Variants in CYP2B6 observed in about 807,000 individuals in gnomAD.
The protein encoded by CYP2B6 is cytochrome P450 family 2 subfamily B member 6, also known as cytochrome P450 2B6.
Under a neutral mutation model 43.4 loss-of-function variants are expected in CYP2B6, and 35 were observed. The observed-to-expected ratio is 0.81, with a 90% CI of 0.62 to 1.07. CYP2B6 has a LOEUF of 1.07. Among genes scored for constraint, CYP2B6 ranks in the 50% least tolerant of loss-of-function variants. CYP2B6 has a pLI of 0.00. For synonymous variants in CYP2B6, 239 were observed against 239.2 expected, an observed-to-expected ratio of 1.00 and a Z score of 0.01; for missense variants, 624 against 632.8, an observed-to-expected ratio of 0.99 and a Z score of 0.15.
chr19:40,991,579 G>A, intron 1 of CYP2B6, 103 bp downstream of exon 1: 1 of 1,286,668 alleles, frequency 7.8e-7, no homozygotes, highest in Non-Finnish European at 1.1e-6. Context: ...AGTCAGGGGT[G>A]GCACGGGCAT....
intron 3 of CYP2B6, among the ~76,000 whole-genome samples, chr19:41,006,293 G>C (rs1969183551): frequency 6.6e-6 from 1 of 150,664 alleles, no homozygotes; most frequent in Non-Finnish European, 1.5e-5. Flanking sequence ...TTTCAACTGG[G>C]ACTACAGGCA....
Position 41,016,815 on chromosome 19 carries a change from C to T in CYP2B6, c.1464C>T (p.Phe488=). ...TACCCCCAACATACCAGATCCGCTT[C>T]CTGCCCCGCTGAAGGGGCTGAGGGA... ...GKIPPTYQIR[F]LPR The change falls in exon 9 of 9, where the codon TTC becomes TTT. Residue 488 remains phenylalanine (F), a synonymous_variant. Transcript: ENST00000324071. 6.2e-7 allele frequency: 1 copy of T among 1,613,934 alleles called. No individual in the cohort carries two copies. Among genetic ancestry groups the T allele is most frequent in the Non-Finnish European group, 8.5e-7 (1 of 1,179,886 alleles).
intron 3 of CYP2B6, 72 bp from the exon 4 acceptor site, chr19:41,006,833 A>G: frequency 7.1e-7 from 1 of 1,409,604 alleles, no homozygotes; most frequent in Non-Finnish European, 9.9e-7. Flanking sequence ...AGACAATCAC[A>G]CAGAGATAGG....
intron 8 of CYP2B6, among the ~76,000 whole-genome samples, chr19:41,015,718 A>C (rs927491313): frequency 6.6e-6 from 1 of 152,084 alleles, no homozygotes; most frequent in Non-Finnish European, 1.5e-5. Flanking sequence ...GAGCTCTTGA[A>C]GCCTGTGGAT....
intron 1 of CYP2B6, among the ~76,000 whole-genome samples, chr19:40,994,863 A>G (rs1301513651): frequency 2.0e-5 from 3 of 152,120 alleles, no homozygotes; most frequent in Non-Finnish European, 4.4e-5. Context: ...ATTTCCAGTG[A>G]GTGCAAAAAA....
At chr19:41,002,795 C>CAT (rs1435663070) in intron 1 of CYP2B6, among the ~76,000 whole-genome samples, 195 of 152,166 alleles carry the variant, frequency 1.3e-3, no homozygotes, top group African/African-American at 4.5e-3. Flanking sequence ...GATCAGCCTG[C>CAT]CTCAGCCTCC....
chr19:41,007,363 A>G (rs1342641146), intron 4 of CYP2B6: 3 of 423,958 alleles, frequency 7.1e-6, no homozygotes, highest in South Asian at 5.3e-5. Context: ...AGAGATTCTG[A>G]GAGACAGAGT....
rs145114902 is a variant in CYP2B6 at position 41,012,811 on chromosome 19, C to T, written c.1290C>T (p.Ser430=). Residue 430 remains serine, a synonymous_variant, in exon 8 of 9, where the codon TCC becomes TCT. Transcript: ENST00000324071. ...AGACTGAAGCTTTTATCCCCTTCTC[C>T]TTAGGTAAGCTGGACCCACAATTTC... ...LKKTEAFIPF[S]LGKRICLGEG... The T allele has an allele frequency of 1.2e-4, 190 of 1,614,118 alleles. 2 individuals carry two copies. The African/African-American group carries it at 2.1e-3, about 18-fold the overall frequency.
At chr19:41,006,883 T>C in intron 3 of CYP2B6, 22 bp from the exon 4 acceptor site, 7 of 1,611,610 alleles carry the variant, frequency 4.3e-6, no homozygotes, top group Non-Finnish European at 5.9e-6. Context: ...GTCTGTGTCC[T>C]TGACCTGCTG....
chr19:41,009,974 C>T lies in CYP2B6; in HGVS notation c.823-20C>T, dbSNP rs766305243. ...ACAGCCTCCCCTGACCCTCCCCTTC[C>T]TTCCCTACTGTGGACGCAGGAGAAA... On this transcript the variant is annotated intron_variant, in intron 5 of 8. Coordinates refer to ENST00000324071, the MANE Select transcript of CYP2B6 (RefSeq NM_000767.5). 1.2e-6 allele frequency: 2 copies of T among 1,614,072 alleles called. No individual in the cohort carries two copies. Among genetic ancestry groups the T allele is most frequent in the South Asian group, 2.2e-5 (2 of 91,076 alleles).
intron 1 of CYP2B6, among the ~76,000 whole-genome samples, chr19:40,991,911 T>C (rs189038770): frequency 4.6e-5 from 7 of 152,026 alleles, no homozygotes; most frequent in Admixed American, 1.3e-4. Context: ...CACAAGAATA[T>C]ATTCATTTGG....
intron 1 of CYP2B6, among the ~76,000 whole-genome samples, chr19:40,999,362 T>G (rs1254341912): frequency 6.6e-6 from 1 of 151,858 alleles, no homozygotes; most frequent in Admixed American, 6.6e-5. Context: ...TTTCTCCCAT[T>G]TTGTAGGTTG....
At chr19:41,003,130 C>A (rs1416666210) in intron 1 of CYP2B6, among the ~76,000 whole-genome samples, 4 of 152,094 alleles carry the variant, frequency 2.6e-5, no homozygotes, top group Non-Finnish European at 5.9e-5. Flanking sequence ...AGTGAAGTGG[C>A]TGGTTTCCTG....
intron 2 of CYP2B6, 61 bp downstream of exon 2, chr19:41,004,224 A>G: frequency 3.1e-6 from 5 of 1,612,496 alleles, no homozygotes; most frequent in Non-Finnish European, 4.2e-6. Flanking sequence ...AAGGGAGTAT[A>G]TGGGAGGAAG....
intron 6 of CYP2B6, among the ~76,000 whole-genome samples, chr19:41,010,733 T>G (rs1000601124): frequency 3.3e-5 from 5 of 152,126 alleles, no homozygotes; most frequent in Non-Finnish European, 7.4e-5. Flanking sequence ...GTTAGGGTAT[T>G]TATCACCCAA....
At chr19:41,002,947 C>A (rs764914472) in intron 1 of CYP2B6, among the ~76,000 whole-genome samples, 1 of 152,048 alleles carries the variant, frequency 6.6e-6, no homozygotes, top group African/African-American at 2.4e-5. Flanking sequence ...GCCACGTTGT[C>A]GCCTGTAGCT....
chr19:41,012,887 G>T (rs1208642445), intron 8 of CYP2B6, 72 bp downstream of exon 8: 4 of 1,513,816 alleles, frequency 2.6e-6, no homozygotes, highest in Non-Finnish European at 3.7e-6. Context: ...GAAAAACAAC[G>T]AGAGATACTG....
At chr19:40,999,848 C>T (rs1969056398) in intron 1 of CYP2B6, among the ~76,000 whole-genome samples, 1 of 151,938 alleles carries the variant, frequency 6.6e-6, no homozygotes, top group African/African-American at 2.4e-5. Flanking sequence ...GCCACCATGC[C>T]CCACTATTTA....
intron 8 of CYP2B6, among the ~76,000 whole-genome samples, chr19:41,013,285 A>G (rs1489398106): frequency 6.6e-6 from 1 of 152,234 alleles, no homozygotes; most frequent in Non-Finnish European, 1.5e-5. Flanking sequence ...GCCTGGCACA[A>G]AGGACATGCT....
Sources: gnomAD v4.1 joint callset for allele counts (sites outside exome capture counted in the v4.1 genomes callset) on GRCh38, gnomAD v4.1.1 for gene constraint, MANE v1.5 for transcripts, NCBI Gene and HGNC (gene_info 2026-07-23, HGNC 2026-07-21) for gene names.